Variants in GALNT1 observed in about 807,000 individuals in gnomAD.
The protein encoded by GALNT1 is polypeptide N-acetylgalactosaminyltransferase 1.
GALNT1 carries 17 observed loss-of-function variants against 65.7 expected under a neutral mutation model. That is an observed-to-expected ratio of 0.26 (90% CI 0.18 to 0.39). The LOEUF (loss-of-function observed/expected upper bound fraction) is 0.39, where lower values mean the gene tolerates loss of function less well. GALNT1 is among the 10% of genes least tolerant of loss of function. The probability of loss-of-function intolerance (pLI) is 1.00; values close to 1 mark genes in which losing one functional copy is unlikely to be tolerated. For missense variants in GALNT1, 460 were observed against 672.8 expected, an observed-to-expected ratio of 0.68 and a Z score of 3.50; for synonymous variants, 210 against 219.7, an observed-to-expected ratio of 0.96 and a Z score of 0.39.
chr18:35,588,090 A>G (rs1199003165), intron 1 of GALNT1, among the ~76,000 whole-genome samples: 1 of 152,092 alleles, frequency 6.6e-6, no homozygotes, highest in Non-Finnish European at 1.5e-5. Flanking sequence ...CCTGAATGAA[A>G]TGTGTTTTCT....
chr18:35,690,888 CATTTAAGTTTA>C, intron 7 of GALNT1, 113 bp from the exon 8 acceptor site: 1 of 807,728 alleles, frequency 1.2e-6, no homozygotes, highest in South Asian at 2.3e-5. Flanking sequence ...CAATATGTTC[CATTTAAGTTTA>C]AACAAAAGCC....
chr18:35,701,812 C>T (rs2048168637), intron 9 of GALNT1, among the ~76,000 whole-genome samples: 1 of 152,144 alleles, frequency 6.6e-6, no homozygotes, highest in Non-Finnish European at 1.5e-5. Flanking sequence ...TTGAGAAATT[C>T]TGTTTTGAAC....
chr18:35,710,773 A>G lies in GALNT1; in HGVS notation c.*1003A>G, dbSNP rs1361903065. Reference sequence around the variant, plus strand: ...GTACCACAGATTTGTTTTCACAGCAATAAATCTTCAGTTCTTTGTTTATGA... The same window carrying G: ...GTACCACAGATTTGTTTTCACAGCAGTAAATCTTCAGTTCTTTGTTTATGA... On this transcript the variant is annotated 3_prime_UTR_variant, in exon 12 of 12. Transcript: ENST00000269195. 1.3e-5 allele frequency: 2 copies of G among 152,672 alleles called. No individual in the cohort carries two copies. The highest frequency in any genetic ancestry group is 2.4e-5 in the African/African-American group (1 of 41,468). 9.5% of individuals were successfully genotyped at this position (152,672 alleles called of 1,614,324 possible). A position where few individuals can be genotyped will look rare whatever the true frequency, so the allele number is the denominator to read the frequency against.
At chr18:35,701,348 A>G (rs2048160439) in intron 9 of GALNT1, among the ~76,000 whole-genome samples, 2 of 152,196 alleles carry the variant, frequency 1.3e-5, no homozygotes, top group Non-Finnish European at 2.9e-5. Context: ...GGTTATAGAC[A>G]TGGGTCACTG....
rs552850228 is a variant in GALNT1 at position 35,690,676 on chromosome 18, T to C, written c.979-336T>C. ...GATCAGAACCCAAATTAGAGAAATG[T>C]TTCTCTTGAGGAAGCACTGGCTTTG... On this transcript the variant is annotated intron_variant, in intron 7 of 11. Coordinates refer to ENST00000269195, the MANE Select transcript of GALNT1 (RefSeq NM_020474.4). 3.3e-5 allele frequency among the ~76,000 whole-genome samples: 5 copies of C among 152,314 alleles called. 1 individual carries two copies. The highest frequency in any genetic ancestry group is 3.3e-4 in the Admixed American group (5 of 15,298).
intron 4 of GALNT1, among the ~76,000 whole-genome samples, chr18:35,678,075 G>C (rs1385978985): frequency 6.6e-6 from 1 of 152,156 alleles, no homozygotes. Flanking sequence ...TCTGTGGGAA[G>C]CTGCAGGACT....
intron 1 of GALNT1, among the ~76,000 whole-genome samples, chr18:35,623,352 T>G (rs2046879818): frequency 6.6e-6 from 1 of 152,174 alleles, no homozygotes; most frequent in Non-Finnish European, 1.5e-5. Context: ...TATTTTGTCT[T>G]TCTTTATCTT....
intron 1 of GALNT1, among the ~76,000 whole-genome samples, chr18:35,614,095 G>T (rs1324516800): frequency 6.6e-6 from 1 of 152,124 alleles, no homozygotes; most frequent in Non-Finnish European, 1.5e-5. Flanking sequence ...GTGTAATCAG[G>T]CATTCAAACA....
intron 1 of GALNT1, among the ~76,000 whole-genome samples, chr18:35,602,972 G>A (rs1270359729): frequency 6.6e-6 from 1 of 152,134 alleles, no homozygotes. Flanking sequence ...TTCTCTATAT[G>A]TCTTGTCTTT....
At chr18:35,610,275 G>A (rs2046701186) in intron 1 of GALNT1, among the ~76,000 whole-genome samples, 1 of 152,168 alleles carries the variant, frequency 6.6e-6, no homozygotes, top group African/African-American at 2.4e-5. Context: ...CTGGCTCCCT[G>A]CTCTTCCAGG....
At chr18:35,700,319 C>CT (rs1156814579) in intron 9 of GALNT1, among the ~76,000 whole-genome samples, 1 of 152,210 alleles carries the variant, frequency 6.6e-6, no homozygotes, top group East Asian at 1.9e-4. Context: ...CTTAGGGACT[C>CT]TAACATCATA....
At chr18:35,600,695 A>T (rs2046571254) in intron 1 of GALNT1, among the ~76,000 whole-genome samples, 2 of 151,940 alleles carry the variant, frequency 1.3e-5, no homozygotes, top group Non-Finnish European at 1.5e-5. Context: ...GAGGGGTATG[A>T]TCCTTCTATA....
chr18:35,607,507 G>GCC lies in GALNT1; in HGVS notation c.-104+25646_-104+25647insCC, dbSNP rs533360686. ...GTGTTGGTACTAGTTACATACAGAGGCTTAGTGTAAGAGTAACTGAAGCAA... is the reference window on the plus strand; with the variant it reads ...GTGTTGGTACTAGTTACATACAGAGGCCCTTAGTGTAAGAGTAACTGAAGCAA... On this transcript the variant is annotated intron_variant, in intron 1 of 11. Transcript: ENST00000269195. 1.5e-3 allele frequency among the ~76,000 whole-genome samples: 226 copies of GCC among 152,230 alleles called. 1 individual carries two copies. The highest frequency in any genetic ancestry group is 5.4e-3 in the African/African-American group (223 of 41,540).
chr18:35,582,796 G>A (rs58610484), intron 1 of GALNT1, among the ~76,000 whole-genome samples: 9,358 of 152,294 alleles, frequency 0.061, 317 homozygotes, highest in South Asian at 0.077. Flanking sequence ...AATCTGAGCA[G>A]CAGAGTTGGG....
rs993826075 is a variant in GALNT1 at position 35,654,796 on chromosome 18, G to T, written c.134G>T (p.Gly45Val). 1 of 1,549,574 alleles carries T rather than the reference G, an allele frequency of 6.5e-7. No homozygotes were observed. The highest frequency in any genetic ancestry group is 1.8e-5 in the Admixed American group (1 of 54,174). ...DEKKERGLPAGDVLEPVQKPH... is the reference protein window; with the variant it reads ...DEKKERGLPAVDVLEPVQKPH... ...AAAAAGGAGAGAGGACTTCCTGCTGGAGATGGTGAGTGACATTTTATAATA... is the reference window on the plus strand; with the variant it reads ...AAAAAGGAGAGAGGACTTCCTGCTGTAGATGGTGAGTGACATTTTATAATA... Residue 45 changes from glycine (G) to valine (V), a missense_variant, in exon 2 of 12, where the codon GGA (glycine) becomes GTA (valine). Coordinates refer to ENST00000269195, the MANE Select transcript of GALNT1 (RefSeq NM_020474.4).
At chr18:35,620,165 A>G (rs1281598052) in intron 1 of GALNT1, among the ~76,000 whole-genome samples, 2 of 152,214 alleles carry the variant, frequency 1.3e-5, no homozygotes, top group Admixed American at 6.5e-5. Context: ...TTAGCTTATG[A>G]CTTTCCTTCT....
intron 1 of GALNT1, among the ~76,000 whole-genome samples, chr18:35,627,653 C>T (rs921582367): frequency 3.9e-5 from 6 of 152,114 alleles, no homozygotes; most frequent in African/African-American, 1.4e-4. Context: ...GTGAGCGACA[C>T]AGAAGACGGG....
At chr18:35,708,554 A>G (rs1455780227) in intron 11 of GALNT1, among the ~76,000 whole-genome samples, 1 of 152,274 alleles carries the variant, frequency 6.6e-6, no homozygotes, top group Non-Finnish European at 1.5e-5. Flanking sequence ...TAAAAGAATC[A>G]GATAACTATG....
At chr18:35,651,840 C>T (rs147647778) in intron 1 of GALNT1, among the ~76,000 whole-genome samples, 20 of 152,264 alleles carry the variant, frequency 1.3e-4, no homozygotes, top group African/African-American at 4.6e-4. Context: ...AAACTAGAAT[C>T]TTACCTGCAA....
Sources: gnomAD v4.1 joint callset for allele counts (sites outside exome capture counted in the v4.1 genomes callset) on GRCh38, gnomAD v4.1.1 for gene constraint, MANE v1.5 for transcripts, NCBI Gene and HGNC (gene_info 2026-07-23, HGNC 2026-07-21) for gene names.